The following PSD3 variants were observed in gnomAD, a reference collection of about 807,000 sequenced individuals.
The protein encoded by PSD3 is pleckstrin and Sec7 domain containing 3.
PSD3 carries 49 observed loss-of-function variants against 105.5 expected under a neutral mutation model. That is an observed-to-expected ratio of 0.46 (90% CI 0.37 to 0.59). PSD3 has a LOEUF of 0.59. PSD3 is among the 20% of genes least tolerant of loss of function. PSD3 has a pLI of 0.00. For missense variants in PSD3, 1,561 were observed against 1,263.8 expected, an observed-to-expected ratio of 1.24 and a Z score of -3.57; for synonymous variants, 557 against 457.8, an observed-to-expected ratio of 1.22 and a Z score of -2.77.
intron 15 of PSD3, among the ~76,000 whole-genome samples, chr8:18,555,380 CAATG>C: frequency 6.7e-6 from 1 of 149,804 alleles, no homozygotes; most frequent in Non-Finnish European, 1.5e-5. Context: ...GCCAGAGCTA[CAATG>C]AAAAAGAACA....
intron 9 of PSD3, among the ~76,000 whole-genome samples, chr8:18,741,683 G>A (rs951708967): frequency 6.6e-6 from 1 of 151,026 alleles, no homozygotes; most frequent in African/African-American, 2.4e-5. Context: ...AAGATTATCC[G>A]TCCTATCAGC....
chr8:18,760,386 C>T (rs1806419432), intron 9 of PSD3, among the ~76,000 whole-genome samples: 1 of 151,910 alleles, frequency 6.6e-6, no homozygotes, highest in African/African-American at 2.4e-5. Flanking sequence ...GGAAATTGTA[C>T]CCTTTGTTTA....
chr8:18,639,131 C>A (rs1328124440), intron 10 of PSD3, among the ~76,000 whole-genome samples: 1 of 152,228 alleles, frequency 6.6e-6, no homozygotes, highest in African/African-American at 2.4e-5. Context: ...GTCCCACTCT[C>A]TTCCTTGCAT....
At chr8:18,664,640 A>AT (rs1258900819) in intron 9 of PSD3, among the ~76,000 whole-genome samples, 1 of 152,234 alleles carries the variant, frequency 6.6e-6, no homozygotes, top group Non-Finnish European at 1.5e-5. Context: ...GAAGGTGGCT[A>AT]TACTAAACAA....
intron 1 of PSD3, among the ~76,000 whole-genome samples, chr8:18,949,038 C>T (rs917722313): frequency 4.0e-5 from 6 of 149,946 alleles, no homozygotes; most frequent in African/African-American, 1.2e-4. Context: ...TAGTTATACA[C>T]GGTGAAACCC....
chr8:18,556,088 A>C (rs1801052150), intron 15 of PSD3, 121 bp downstream of exon 15: 1 of 1,249,590 alleles, frequency 8.0e-7, no homozygotes, highest in Non-Finnish European at 1.1e-6. Context: ...GGAGCTCCCA[A>C]ATTAGAGCCA....
chr8:18,588,013 G>A (rs749679275), intron 12 of PSD3, among the ~76,000 whole-genome samples: 2 of 152,150 alleles, frequency 1.3e-5, no homozygotes, highest in African/African-American at 2.4e-5. Flanking sequence ...CACATCACCA[G>A]GATTAGCCCT....
chr8:18,958,049 T>C (rs1823687358), intron 1 of PSD3, among the ~76,000 whole-genome samples: 1 of 152,114 alleles, frequency 6.6e-6, no homozygotes, highest in African/African-American at 2.4e-5. Flanking sequence ...CACAGACACA[T>C]ACCAAAGAGG....
intron 9 of PSD3, among the ~76,000 whole-genome samples, chr8:18,691,579 A>G (rs1800975960): frequency 6.6e-6 from 1 of 152,260 alleles, no homozygotes; most frequent in Non-Finnish European, 1.5e-5. Flanking sequence ...ATGCAAATAC[A>G]GAAATGCTAT....
chr8:18,882,732 A>T lies in PSD3; in HGVS notation c.131-9999T>A, dbSNP rs1818188962. Among the ~76,000 whole-genome samples, 3 of 152,110 alleles carry T rather than the reference A, an allele frequency of 2.0e-5. No homozygotes were observed. The South Asian group carries it at 6.2e-4, about 31-fold the overall frequency. On this transcript the variant is annotated intron_variant, in intron 2 of 15. Coordinates refer to ENST00000327040, the MANE Select transcript of PSD3 (RefSeq NM_015310.4). ...TTTAAGTTACTTAAAATTTAATAAA[A>T]TTGAAATTGTAGTTCCTTAGTGCTC...
chr8:18,927,492 A>G (rs10095000), intron 2 of PSD3, among the ~76,000 whole-genome samples: 2,996 of 152,240 alleles, frequency 0.02, 115 homozygotes, highest in African/African-American at 0.069. Flanking sequence ...GAAGACAGGG[A>G]TGAACCACCA....
At chr8:19,050,053 A>C (rs2129477105) in intron 1 of PSD3, among the ~76,000 whole-genome samples, 1 of 152,356 alleles carries the variant, frequency 6.6e-6, no homozygotes, top group Non-Finnish European at 1.5e-5. Flanking sequence ...CATGCCAATC[A>C]ACTCGTGATG....
At position 18,871,653 on chromosome 8, in the gene PSD3, G is replaced by T. The variant is rs746681350; in HGVS notation, c.1211C>A (p.Thr404Lys). ...TTCCCTGTCTCTCTCTGGTTTAGGT[G>T]TCTTCTCAAGATGCTGTTTGTTTTC... ...LQENKQHLEK[T>K]PKPERDRERI... Residue 404 changes from threonine (T) to lysine (K), a missense_variant, in exon 3 of 16, where the codon ACA (threonine) becomes AAA (lysine). Thr to Lys is a moderately conservative substitution (Grantham distance 78). Coordinates refer to ENST00000327040, the MANE Select transcript of PSD3 (RefSeq NM_015310.4). 6.2e-7 allele frequency: 1 copy of T among 1,611,570 alleles called. No homozygotes were observed. Among genetic ancestry groups the T allele is most frequent in the South Asian group, 1.1e-5 (1 of 90,440 alleles).
chr8:18,955,956 A>G (rs1198277982), intron 1 of PSD3, among the ~76,000 whole-genome samples: 1 of 151,886 alleles, frequency 6.6e-6, no homozygotes, highest in East Asian at 1.9e-4. Flanking sequence ...TCAGTAGACA[A>G]TGAGTTTCAC....
chr8:18,817,113 T>A (rs1482190433), intron 4 of PSD3, among the ~76,000 whole-genome samples: 2 of 151,636 alleles, frequency 1.3e-5, no homozygotes, highest in African/African-American at 2.4e-5. Context: ...GGAAGAGGAG[T>A]TAAAGAGTCC....
At chr8:18,752,791 A>C (rs1227133759) in intron 9 of PSD3, among the ~76,000 whole-genome samples, 2 of 147,884 alleles carry the variant, frequency 1.4e-5, no homozygotes, top group African/African-American at 2.5e-5. Flanking sequence ...TTTTGAGTAT[A>C]CATATTTGCC....
chr8:18,932,581 T>C (rs969294684), intron 2 of PSD3, among the ~76,000 whole-genome samples: 1 of 152,216 alleles, frequency 6.6e-6, no homozygotes, highest in Non-Finnish European at 1.5e-5. Flanking sequence ...GAGACTGGAT[T>C]TTTAATCGGA....
chr8:18,826,053 A>G (rs568297371), intron 4 of PSD3, among the ~76,000 whole-genome samples: 1 of 152,304 alleles, frequency 6.6e-6, no homozygotes, highest in Non-Finnish European at 1.5e-5. Flanking sequence ...TATCATCCAA[A>G]GCCCAAAGGC....
chr8:18,540,288 AAAC>A (rs1334964739), intron 15 of PSD3, among the ~76,000 whole-genome samples: 1 of 152,236 alleles, frequency 6.6e-6, no homozygotes, highest in Non-Finnish European at 1.5e-5. Context: ...TGTATGCTAT[AAAC>A]AACTTTTATA....
Sources: gnomAD v4.1 joint callset for allele counts (sites outside exome capture counted in the v4.1 genomes callset) on GRCh38, gnomAD v4.1.1 for gene constraint, MANE v1.5 for transcripts, NCBI Gene and HGNC (gene_info 2026-07-23, HGNC 2026-07-21) for gene names.